The following DIAPH3 variants were observed in gnomAD, a reference collection of about 807,000 sequenced individuals.
The protein encoded by DIAPH3 is protein diaphanous homolog 3.
A neutral mutation model predicts 144.3 loss-of-function variants in DIAPH3; 117 were observed. That is an observed-to-expected ratio of 0.81 (90% CI 0.70 to 0.95). The LOEUF (loss-of-function observed/expected upper bound fraction) is 0.95. Among genes scored for constraint, DIAPH3 ranks in the 40% least tolerant of loss-of-function variants. DIAPH3 has a pLI of 0.00. For missense variants in DIAPH3, 1,421 were observed against 1,412.7 expected (o/e 1.01, Z -0.09); for synonymous variants, 519 against 488.9 (o/e 1.06, Z -0.81).
rs77379346 is a variant in DIAPH3 at position 59,939,603 on chromosome 13, C to T, written c.2075-14733G>A. Among the ~76,000 whole-genome samples, 68 of 152,242 alleles carry T rather than the reference C, an allele frequency of 4.5e-4. No individual in the cohort carries two copies. The East Asian group carries it at 0.013, about 29-fold the overall frequency. On this transcript the variant is annotated intron_variant, in intron 17 of 27. Coordinates refer to ENST00000400324, the MANE Select transcript of DIAPH3 (RefSeq NM_001042517.2). Reference sequence around the variant, plus strand: ...ATAGAATTAGATTCTGGAAAGGAAACCCAAGCCATCCTTATGCTTAAAAGC... The same window carrying T: ...ATAGAATTAGATTCTGGAAAGGAAATCCAAGCCATCCTTATGCTTAAAAGC...
chr13:60,118,555 A>T (rs1261476607), intron 2 of DIAPH3, among the ~76,000 whole-genome samples: 1 of 152,004 alleles, frequency 6.6e-6, no homozygotes, highest in Non-Finnish European at 1.5e-5. Context: ...AATAAAATCT[A>T]CTGCTTGAAA....
intron 21 of DIAPH3, among the ~76,000 whole-genome samples, chr13:59,867,126 A>G (rs917138981): frequency 3.3e-5 from 5 of 150,298 alleles, no homozygotes; most frequent in African/African-American, 1.2e-4. Flanking sequence ...AAATTTTTCA[A>G]AACAAAACTG....
At chr13:59,939,368 T>C (rs1002397515) in intron 17 of DIAPH3, among the ~76,000 whole-genome samples, 1 of 152,232 alleles carries the variant, frequency 6.6e-6, no homozygotes, top group Non-Finnish European at 1.5e-5. Context: ...AAGAACCTAA[T>C]CGCATTTCTA....
intron 9 of DIAPH3, among the ~76,000 whole-genome samples, chr13:60,002,159 C>G (rs2052561599): frequency 6.6e-6 from 1 of 152,176 alleles, no homozygotes; most frequent in Admixed American, 6.5e-5. Flanking sequence ...AAGGTAGACT[C>G]TGATGATTTA....
chr13:59,875,250 T>C (rs1290802497), intron 21 of DIAPH3, among the ~76,000 whole-genome samples: 1 of 152,192 alleles, frequency 6.6e-6, no homozygotes, highest in Non-Finnish European at 1.5e-5. Context: ...CAAAATGATA[T>C]CCATTTTTTA....
intron 7 of DIAPH3, among the ~76,000 whole-genome samples, chr13:60,012,199 C>T (rs1180159807): frequency 6.6e-6 from 1 of 152,090 alleles, no homozygotes; most frequent in East Asian, 1.9e-4. Flanking sequence ...TTGTATATGG[C>T]CATTTATGCA....
intron 21 of DIAPH3, among the ~76,000 whole-genome samples, chr13:59,870,518 C>T (rs2044194103): frequency 6.6e-6 from 1 of 152,032 alleles, no homozygotes; most frequent in Admixed American, 6.6e-5. Context: ...AAATAACTTG[C>T]TGGAACTCTC....
At chr13:59,945,593 T>G (rs2048755123) in intron 17 of DIAPH3, among the ~76,000 whole-genome samples, 1 of 151,500 alleles carries the variant, frequency 6.6e-6, no homozygotes, top group Non-Finnish European at 1.5e-5. Context: ...GGAATATGAC[T>G]TGTATATCCA....
chr13:59,863,433 T>C (rs1210869407), intron 21 of DIAPH3, among the ~76,000 whole-genome samples: 2 of 152,110 alleles, frequency 1.3e-5, no homozygotes, highest in Admixed American at 6.6e-5. Context: ...TAAGTAATAT[T>C]TTAAAAAATC....
chr13:59,738,374 A>G (rs1298938807), intron 27 of DIAPH3, among the ~76,000 whole-genome samples: 6 of 152,004 alleles, frequency 3.9e-5, no homozygotes, highest in Non-Finnish European at 1.5e-5. Flanking sequence ...GGCTGGCTGT[A>G]GGAGTAGAAA....
chr13:60,054,468 C>T (rs535596228), intron 4 of DIAPH3, among the ~76,000 whole-genome samples: 13 of 152,020 alleles, frequency 8.6e-5, no homozygotes, highest in Non-Finnish European at 1.8e-4. Flanking sequence ...GTATATGTAT[C>T]TATCTCTATG....
chr13:60,148,643 A>G (rs1386191788), intron 1 of DIAPH3, among the ~76,000 whole-genome samples: 2 of 152,212 alleles, frequency 1.3e-5, no homozygotes, highest in African/African-American at 4.8e-5. Context: ...ACCAAAGATC[A>G]GAAGAGAAGA....
At chr13:59,756,472 G>A (rs1209055804) in intron 27 of DIAPH3, among the ~76,000 whole-genome samples, 14 of 142,218 alleles carry the variant, frequency 9.8e-5, no homozygotes, top group Non-Finnish European at 1.9e-4. Context: ...AAGGAAAGAA[G>A]GAAGGAAGGA....
chr13:60,081,112 T>C (rs1012649906), intron 4 of DIAPH3, among the ~76,000 whole-genome samples: 14 of 151,976 alleles, frequency 9.2e-5, no homozygotes, highest in South Asian at 8.3e-4. Context: ...CACTAATTTA[T>C]AGACATATAC....
intron 17 of DIAPH3, among the ~76,000 whole-genome samples, chr13:59,931,699 A>G (rs938223448): frequency 2.0e-5 from 3 of 152,216 alleles, no homozygotes; most frequent in East Asian, 3.8e-4. Context: ...GTAAAAGAGA[A>G]TAAAGAGGAT....
intron 27 of DIAPH3, among the ~76,000 whole-genome samples, chr13:59,738,613 T>G (rs956707807): frequency 6.6e-6 from 1 of 151,966 alleles, no homozygotes; most frequent in South Asian, 2.1e-4. Context: ...AAAGAGGATA[T>G]GCACAAGGGA....
At chr13:60,004,551 T>TA (rs1159039662) in intron 9 of DIAPH3, among the ~76,000 whole-genome samples, 1 of 152,114 alleles carries the variant, frequency 6.6e-6, no homozygotes, top group Non-Finnish European at 1.5e-5. Context: ...TATTAAGGAG[T>TA]AAAAGCCTTC....
At chr13:59,770,327 A>T (rs2038061543) in intron 27 of DIAPH3, among the ~76,000 whole-genome samples, 1 of 152,162 alleles carries the variant, frequency 6.6e-6, no homozygotes, top group Non-Finnish European at 1.5e-5. Context: ...CATTCAACAC[A>T]TTCTTATAAA....
At chr13:59,785,468 C>T (rs2139362821) in intron 25 of DIAPH3, among the ~76,000 whole-genome samples, 1 of 152,266 alleles carries the variant, frequency 6.6e-6, no homozygotes, top group East Asian at 1.9e-4. Context: ...ACCCCTGTCT[C>T]CTTGTGCCTC....
Sources: gnomAD v4.1 joint callset for allele counts (sites outside exome capture counted in the v4.1 genomes callset) on GRCh38, gnomAD v4.1.1 for gene constraint, MANE v1.5 for transcripts, NCBI Gene and HGNC (gene_info 2026-07-23, HGNC 2026-07-21) for gene names.